Variants in KLHL4 observed in about 807,000 individuals in gnomAD.
The protein encoded by KLHL4 is kelch like family member 4.
In KLHL4, 17 loss-of-function variants were observed where a neutral mutation model predicts 45.8. That is an observed-to-expected ratio of 0.37 (90% CI 0.25 to 0.56). KLHL4 has a LOEUF of 0.56. KLHL4 is among the 20% of genes least tolerant of loss of function. The probability of loss-of-function intolerance (pLI) is 0.79; values close to 1 mark genes in which losing one functional copy is unlikely to be tolerated. For missense variants in KLHL4, 544 were observed against 544.9 expected (o/e 1.00, Z 0.02); for synonymous variants, 224 against 189.9 (o/e 1.18, Z -1.47).
intron 1 of KLHL4, among the ~76,000 whole-genome samples, chrX:87,568,391 C>CT (rs58586775): frequency 0.012 from 687 of 57,346 alleles, 8 homozygotes; most frequent in South Asian, 0.025. Context: ...TTCTTTTTTT[C>CT]TTTTTTTTTT....
At chrX:87,594,974 G>A (rs1921791659) in intron 1 of KLHL4, among the ~76,000 whole-genome samples, 1 of 109,422 alleles carries the variant, frequency 9.1e-6, no homozygotes, top group South Asian at 4.0e-4. Flanking sequence ...TGTTCCAGGG[G>A]GTAGTAAAAG....
intron 5 of KLHL4, among the ~76,000 whole-genome samples, chrX:87,624,485 T>G (rs1218814405): frequency 9.0e-6 from 1 of 111,624 alleles, no homozygotes; most frequent in Non-Finnish European, 1.9e-5. Context: ...ATGAGGCAAG[T>G]CAAAATAAAG....
intron 9 of KLHL4, among the ~76,000 whole-genome samples, chrX:87,657,193 G>C (rs747991537): frequency 8.9e-6 from 1 of 112,456 alleles, no homozygotes; most frequent in East Asian, 2.8e-4. Context: ...GGTGGTGGTG[G>C]TGGTAGCAGA....
chrX:87,583,515 G>C (rs759907357), intron 1 of KLHL4, among the ~76,000 whole-genome samples: 2 of 112,201 alleles, frequency 1.8e-5, no homozygotes, highest in African/African-American at 3.2e-5. Context: ...GCATCAGTCA[G>C]AGTTGTGAGG....
intron 1 of KLHL4, among the ~76,000 whole-genome samples, chrX:87,601,159 A>C (rs936925583): frequency 1.6e-4 from 18 of 112,053 alleles, no homozygotes; most frequent in African/African-American, 5.5e-4. Context: ...AGAGAGAGAG[A>C]CTAAGGCAAG....
intron 1 of KLHL4, among the ~76,000 whole-genome samples, chrX:87,584,473 G>A (rs1286726094): frequency 8.9e-6 from 1 of 111,953 alleles, no homozygotes; most frequent in Non-Finnish European, 1.9e-5. Context: ...ATAATGCAGA[G>A]AAGGAATCCA....
chrX:87,557,075 A>C (rs181168917), intron 1 of KLHL4, among the ~76,000 whole-genome samples: 2 of 112,330 alleles, frequency 1.8e-5, no homozygotes, highest in East Asian at 5.6e-4. Context: ...CTTGGTCTAC[A>C]AAACATGTAA....
At chrX:87,531,484 C>A (rs1471755010) in intron 1 of KLHL4, among the ~76,000 whole-genome samples, 4 of 109,357 alleles carry the variant, frequency 3.7e-5, no homozygotes, top group Non-Finnish European at 7.6e-5. Flanking sequence ...CTGGCCAGGG[C>A]AATTAGGCAG....
chrX:87,624,397 T>C (rs2147819532), intron 5 of KLHL4, among the ~76,000 whole-genome samples: 1 of 112,214 alleles, frequency 8.9e-6, no homozygotes, highest in East Asian at 2.8e-4. Flanking sequence ...CTGAAGAGTA[T>C]TTTTAGGGAA....
chrX:87,566,163 A>G (rs931296116), intron 1 of KLHL4, among the ~76,000 whole-genome samples: 2 of 111,711 alleles, frequency 1.8e-5, no homozygotes, highest in African/African-American at 3.3e-5. Flanking sequence ...ACATTTAAAA[A>G]TAATAAACCT....
chrX:87,613,794 T>C (rs1922459569), intron 1 of KLHL4, 83 bp from the exon 2 acceptor site: 8 of 679,711 alleles, frequency 1.2e-5, no homozygotes, highest in Non-Finnish European at 1.2e-5. Context: ...TTCCACTACA[T>C]GTTTGTACTC....
At chrX:87,570,746 C>G (rs1362338218) in intron 1 of KLHL4, among the ~76,000 whole-genome samples, 1 of 110,665 alleles carries the variant, frequency 9.0e-6, no homozygotes, top group East Asian at 2.8e-4. Context: ...AATGGAGTGA[C>G]TAGACTTATA....
intron 9 of KLHL4, among the ~76,000 whole-genome samples, chrX:87,640,076 A>T (rs754165567): frequency 4.5e-5 from 5 of 111,370 alleles, no homozygotes; most frequent in African/African-American, 1.6e-4. Context: ...TTACATACAC[A>T]AACTAGAAAA....
chrX:87,610,134 C>G (rs1922324652), intron 1 of KLHL4, among the ~76,000 whole-genome samples: 1 of 111,894 alleles, frequency 8.9e-6, no homozygotes, highest in South Asian at 3.7e-4. Flanking sequence ...ACCAGCCTCC[C>G]CATCCCAAAG....
At chrX:87,564,492 A>T (rs991828271) in intron 1 of KLHL4, among the ~76,000 whole-genome samples, 3 of 111,531 alleles carry the variant, frequency 2.7e-5, no homozygotes, top group South Asian at 3.7e-4. Context: ...ATAATGTAAA[A>T]ATATATTTAA....
intron 1 of KLHL4, among the ~76,000 whole-genome samples, chrX:87,547,377 C>T (rs1010785260): frequency 9.0e-6 from 1 of 111,266 alleles, no homozygotes; most frequent in Non-Finnish European, 1.9e-5. Flanking sequence ...TCCCCTTTCA[C>T]CATGAATGTA....
intron 9 of KLHL4, among the ~76,000 whole-genome samples, chrX:87,648,477 A>G (rs1167672352): frequency 9.0e-6 from 1 of 111,372 alleles, no homozygotes; most frequent in Non-Finnish European, 1.9e-5. Flanking sequence ...TAAGGACCAC[A>G]GTGTCTGATG....
chrX:87,600,252 C>G (rs758530964), intron 1 of KLHL4, among the ~76,000 whole-genome samples: 1 of 110,508 alleles, frequency 9.0e-6, no homozygotes, highest in African/African-American at 3.3e-5. Context: ...TTTGGGAGGC[C>G]GAGGTGGGCG....
At chrX:87,619,255 A>G (rs1922667802) in intron 4 of KLHL4, among the ~76,000 whole-genome samples, 1 of 112,049 alleles carries the variant, frequency 8.9e-6, no homozygotes, top group Non-Finnish European at 1.9e-5. Flanking sequence ...TTTTTAGAAT[A>G]GAGATGCATA....
Sources: gnomAD v4.1 joint callset for allele counts (sites outside exome capture counted in the v4.1 genomes callset) on GRCh38, gnomAD v4.1.1 for gene constraint, MANE v1.5 for transcripts, NCBI Gene and HGNC (gene_info 2026-07-23, HGNC 2026-07-21) for gene names.